The following WIPI2 variants were observed in gnomAD, a reference collection of about 807,000 sequenced individuals.
WIPI2 encodes the protein WD repeat domain, phosphoinositide interacting 2.
In WIPI2, 28 loss-of-function variants were observed where a neutral mutation model predicts 52.3. That is an observed-to-expected ratio of 0.54 (90% CI 0.40 to 0.73). The LOEUF (loss-of-function observed/expected upper bound fraction) is 0.73, where lower values mean the gene tolerates loss of function less well. Ranked by LOEUF, WIPI2 falls within the 30% of genes least tolerant of loss-of-function variation. The pLI, the probability that WIPI2 is intolerant of heterozygous loss-of-function variation, is 0.00. For missense variants in WIPI2, 506 were observed against 602.9 expected (o/e 0.84, Z 1.68); for synonymous variants, 268 against 245.0 (o/e 1.09, Z -0.88).
At chr7:5,220,617 A>G (rs1405551842) in intron 7 of WIPI2, among the ~76,000 whole-genome samples, 1 of 151,966 alleles carries the variant, frequency 6.6e-6, no homozygotes, top group African/African-American at 2.4e-5. Flanking sequence ...CTGGGACAAC[A>G]GGAACGAATC....
chr7:5,212,005 C>G (rs1012232422), intron 3 of WIPI2, among the ~76,000 whole-genome samples: 4 of 152,208 alleles, frequency 2.6e-5, no homozygotes, highest in Non-Finnish European at 4.4e-5. Flanking sequence ...AGCATTTCAC[C>G]ACCCACTGAA....
At chr7:5,219,426 AT>A (rs1378016245) in intron 7 of WIPI2, among the ~76,000 whole-genome samples, 1 of 147,680 alleles carries the variant, frequency 6.8e-6, no homozygotes, top group African/African-American at 2.5e-5. Flanking sequence ...AAAGTACTTG[AT>A]GGAATTTTAA....
At chr7:5,217,349 T>C in intron 6 of WIPI2, 162 bp downstream of exon 6, 1 of 731,794 alleles carries the variant, frequency 1.4e-6, no homozygotes, top group Admixed American at 2.1e-5. Flanking sequence ...CTGTCGCCCA[T>C]GCTGGAGTGC....
chr7:5,220,809 T>C (rs578054523), intron 7 of WIPI2, among the ~76,000 whole-genome samples: 274 of 151,638 alleles, frequency 1.8e-3, no homozygotes, highest in African/African-American at 5.0e-3. Flanking sequence ...TTCTTTCTTT[T>C]TTTTGAGACA....
At chr7:5,222,542 A>G in intron 7 of WIPI2, 60 bp from the exon 8 acceptor site, 1 of 1,545,074 alleles carries the variant, frequency 6.5e-7, no homozygotes, top group Non-Finnish European at 8.9e-7. Context: ...CTGCTGTGAA[A>G]GATGGGAAAT....
At position 5,230,844 on chromosome 7, in the gene WIPI2, A is replaced by T. The variant is rs1386938812; in HGVS notation, c.1262A>T (p.Asp421Val). The change falls in exon 13 of 13, where the codon GAC becomes GTC. Residue 421 changes from aspartate (D) to valine (V), a missense_variant. Physicochemically the swap from Asp to Val is radical, Grantham distance 152. This residue lies in a region of WIPI2 where 194 missense variants were observed against 175.1 expected (regional missense o/e 1.11). Transcript: ENST00000288828. This position sits in a 1 kb window ranked among gnomAD's most constrained non-coding sequence, Gnocchi z 4.8. Reference sequence around the variant, plus strand: ...CGTCGTCTCTTTGCAGCCTACACAGACGACCTGGGTGCTGTGGGTGGCGCC... The same window carrying T: ...CGTCGTCTCTTTGCAGCCTACACAGTCGACCTGGGTGCTGTGGGTGGCGCC... ...PSSPTRLAYT[D>V]DLGAVGGACL... The T allele has an allele frequency of 6.2e-7, 1 of 1,613,464 alleles. No individual in the cohort carries two copies. The highest frequency in any genetic ancestry group is 1.3e-5 in the African/African-American group (1 of 74,914).
At chr7:5,191,228 G>A (rs1781468867) in intron 1 of WIPI2, among the ~76,000 whole-genome samples, 1 of 152,080 alleles carries the variant, frequency 6.6e-6, no homozygotes, top group African/African-American at 2.4e-5. Context: ...CACCATGTTG[G>A]TCAGGCTGGT....
chr7:5,195,031 C>G lies in WIPI2; in HGVS notation c.128+1860C>G, dbSNP rs11771301. Reference sequence around the variant, plus strand: ...TTAAAAAGCAGTGACTCTGTCCTTCCCTAGAGAAGGACAGGCCTACTCTCT... The same window carrying G: ...TTAAAAAGCAGTGACTCTGTCCTTCGCTAGAGAAGGACAGGCCTACTCTCT... On this transcript the variant is annotated intron_variant, in intron 2 of 12. Transcript: ENST00000288828. 1.1e-4 allele frequency among the ~76,000 whole-genome samples: 17 copies of G among 152,050 alleles called. No homozygotes were observed. In the East Asian group the frequency reaches 3.3e-3, roughly 29 times the overall value.
At chr7:5,204,651 T>C (rs1490808459) in intron 3 of WIPI2, among the ~76,000 whole-genome samples, 1 of 152,134 alleles carries the variant, frequency 6.6e-6, no homozygotes, top group Non-Finnish European at 1.5e-5. Flanking sequence ...CACTGCGAAG[T>C]GCATCCTTTT....
At position 5,217,078 on chromosome 7, in the gene WIPI2, TG is replaced by T; in HGVS notation, c.479-11del. 1.2e-6 allele frequency: 2 copies of T among 1,602,652 alleles called. No individual in the cohort carries two copies. The highest frequency in any genetic ancestry group is 1.7e-6 in the Non-Finnish European group (2 of 1,170,642). On this transcript the variant is annotated splice_polypyrimidine_tract_variant and intron_variant, in intron 5 of 12. Transcript: ENST00000288828. ...GGAAGTTTGCATCTCGTCCTCCGTG[TG>T]TCATTTGCAGGCCTGTGTGCGCTGT... is the stretch of plus-strand genomic sequence containing the variant.
At chr7:5,199,777 C>G in intron 3 of WIPI2, 119 bp downstream of exon 3, 1 of 985,504 alleles carries the variant, frequency 1.0e-6, no homozygotes. Flanking sequence ...CTTACCAGTC[C>G]TCTGCTTCCA....
intron 3 of WIPI2, among the ~76,000 whole-genome samples, chr7:5,207,563 T>C (rs1176246484): frequency 6.6e-6 from 1 of 152,178 alleles, no homozygotes; most frequent in African/African-American, 2.4e-5. Flanking sequence ...AGTTCAGCTA[T>C]TATGAACAAA....
chr7:5,218,508 G>A, intron 7 of WIPI2: 1 of 157,322 alleles, frequency 6.4e-6, no homozygotes, highest in Admixed American at 6.2e-5. Context: ...AAAAACACTT[G>A]TAATGGCCGC....
intron 3 of WIPI2, among the ~76,000 whole-genome samples, chr7:5,204,792 TC>T (rs1782211593): frequency 1.3e-5 from 2 of 152,042 alleles, no homozygotes; most frequent in Admixed American, 6.6e-5. Flanking sequence ...CAAGTGATCC[TC>T]CCCCTTCTTG....
intron 4 of WIPI2, among the ~76,000 whole-genome samples, chr7:5,215,844 AT>A (rs1359786629): frequency 1.3e-5 from 2 of 152,180 alleles, no homozygotes; most frequent in African/African-American, 4.8e-5. Context: ...GTCTACATTC[AT>A]TTTCTTCCAA....
At chr7:5,211,626 C>A (rs1020291052) in intron 3 of WIPI2, among the ~76,000 whole-genome samples, 4 of 152,182 alleles carry the variant, frequency 2.6e-5, no homozygotes. Context: ...GAAGTAAGTT[C>A]TTTTCACCAC....
rs536087540 is a variant in WIPI2 at position 5,229,839 on chromosome 7, G to C, written c.1252+101G>C. On this transcript the variant is annotated intron_variant, in intron 12 of 12. Transcript: ENST00000288828. Reference sequence around the variant, plus strand: ...AGCCACCCCACCAGCTCCTCACTGGGAAAGATGGGGACTGGTTCTGAGAAC... The same window carrying C: ...AGCCACCCCACCAGCTCCTCACTGGCAAAGATGGGGACTGGTTCTGAGAAC... The C allele has an allele frequency of 8.6e-6, 13 of 1,506,668 alleles. No homozygotes were observed. In the Admixed American group the frequency reaches 1.6e-4, roughly 18 times the overall value. 93.3% of individuals were successfully genotyped at this position (1,506,668 alleles called of 1,614,324 possible).
intron 3 of WIPI2, among the ~76,000 whole-genome samples, chr7:5,210,782 A>C (rs1782517996): frequency 6.6e-6 from 1 of 152,198 alleles, no homozygotes. Context: ...CTCCCAGGGG[A>C]AGGATTGGTA....
intron 5 of WIPI2, 153 bp from the exon 6 acceptor site, chr7:5,216,937 G>GT: frequency 1.2e-6 from 1 of 853,696 alleles, no homozygotes. Flanking sequence ...GGGATTTGGG[G>GT]TTGCAGAACT....
Sources: gnomAD v4.1 joint callset for allele counts (sites outside exome capture counted in the v4.1 genomes callset) on GRCh38, gnomAD v4.1.1 for gene constraint, gnomAD v4.1.1 regional missense constraint, Gnocchi (gnomAD v3.1) non-coding constraint, MANE v1.5 for transcripts, NCBI Gene and HGNC (gene_info 2026-07-23, HGNC 2026-07-21) for gene names.